The following SHPRH variants were observed in gnomAD, a reference collection of about 807,000 sequenced individuals.
SHPRH encodes SNF2 histone linker PHD RING helicase.
SHPRH carries 106 observed loss-of-function variants against 202.5 expected under a neutral mutation model. The observed-to-expected ratio is 0.52, with a 90% CI of 0.45 to 0.62. SHPRH has a LOEUF of 0.62. Ranked by LOEUF, SHPRH falls within the 20% of genes least tolerant of loss-of-function variation. The pLI is 0.00. For synonymous variants in SHPRH, 729 were observed against 686.0 expected, an observed-to-expected ratio of 1.06 and a Z score of -0.98; for missense variants, 1,710 against 2,020.0, an observed-to-expected ratio of 0.85 and a Z score of 2.94.
intron 3 of SHPRH, 26 bp from the exon 4 acceptor site, chr6:145,950,508 C>G: frequency 6.3e-7 from 1 of 1,597,590 alleles, no homozygotes; most frequent in South Asian, 1.1e-5. Flanking sequence ...CAAATGTACT[C>G]AAAAACTGAT....
At chr6:145,934,394 A>G (rs536576759) in intron 13 of SHPRH, among the ~76,000 whole-genome samples, 2 of 148,810 alleles carry the variant, frequency 1.3e-5, no homozygotes, top group South Asian at 4.3e-4. Context: ...GGAACCCAGG[A>G]GGCAGAGATT....
chr6:145,921,125 G>A, intron 21 of SHPRH, 42 bp downstream of exon 21: 1 of 1,537,054 alleles, frequency 6.5e-7, no homozygotes. Context: ...ATGTAAAAAA[G>A]AAGAATTTTT....
intron 14 of SHPRH, among the ~76,000 whole-genome samples, chr6:145,931,209 A>G (rs1391846303): frequency 6.6e-6 from 1 of 152,040 alleles, no homozygotes; most frequent in African/African-American, 2.4e-5. Context: ...CTTAATTGGG[A>G]TATTTAGACC....
At chr6:145,919,213 G>T in intron 22 of SHPRH, 135 bp downstream of exon 22, 1 of 1,266,224 alleles carries the variant, frequency 7.9e-7, no homozygotes, top group Middle Eastern at 2.3e-4. Context: ...AATTTTCTAT[G>T]GGTCAAATTA....
At position 145,888,046 on chromosome 6, in the gene SHPRH, C is replaced by T; in HGVS notation, c.4929G>A (p.Gln1643=). The change falls in exon 29 of 30, where the codon CAG becomes CAA. Residue 1643 remains glutamine, a synonymous_variant. Coordinates refer to ENST00000275233, the MANE Select transcript of SHPRH (RefSeq NM_001042683.3). The part of the protein sequence containing the change: ...LIKATIEERM[Q]AMLKTAERSH... Reference sequence around the variant, plus strand: ...TTCTCTCAGCAGTTTTCAGCATTGCCTGCATTCTTTCTTCTATTGTTGCTT... The same window carrying T: ...TTCTCTCAGCAGTTTTCAGCATTGCTTGCATTCTTTCTTCTATTGTTGCTT... 1 of 1,613,082 alleles carries T rather than the reference C, an allele frequency of 6.2e-7. No individual in the cohort carries two copies.
intron 2 of SHPRH, among the ~76,000 whole-genome samples, chr6:145,874,614 A>G (rs1780218072): frequency 6.6e-6 from 1 of 152,208 alleles, no homozygotes; most frequent in African/African-American, 2.4e-5. Flanking sequence ...CCTCATAGTT[A>G]TCCATTTAGC....
At position 145,886,592 on chromosome 6, in the gene SHPRH, G is replaced by C. The variant is rs1781029949; in HGVS notation, c.*99C>G. The C allele has an allele frequency of 6.5e-7, 1 of 1,539,502 alleles. No homozygotes were observed. The highest frequency in any genetic ancestry group is 8.8e-7 in the Non-Finnish European group (1 of 1,141,650). ...ACAAATTCATTCAACTAGGAACAGT[G>C]TTACTGTTATCTACTGGGTTTTTAA... is the stretch of plus-strand genomic sequence containing the variant. On this transcript the variant is annotated 3_prime_UTR_variant, in exon 30 of 30. Coordinates refer to ENST00000275233, the MANE Select transcript of SHPRH (RefSeq NM_001042683.3).
At chr6:145,932,978 A>T in intron 14 of SHPRH, 79 bp downstream of exon 14, 45 of 1,455,900 alleles carry the variant, frequency 3.1e-5, no homozygotes, top group Non-Finnish European at 4.1e-5. Flanking sequence ...CCCCCCAAAA[A>T]TCAAAATCTA....
At chr6:145,882,490 G>A (rs766931749), downstream of SHPRH, among the ~76,000 whole-genome samples, 14 of 152,034 alleles carry the variant, frequency 9.2e-5, no homozygotes, top group Non-Finnish European at 1.9e-4. Flanking sequence ...GTTTAATAGC[G>A]GATTCACTTA....
intron 25 of SHPRH, among the ~76,000 whole-genome samples, chr6:145,898,909 G>C (rs913569321): frequency 6.6e-6 from 1 of 151,972 alleles, no homozygotes; most frequent in Non-Finnish European, 1.5e-5. Flanking sequence ...ACTCCTGGGC[G>C]CAAGTGATCC....
At position 145,923,748 on chromosome 6, in the gene SHPRH, TGG is replaced by T; in HGVS notation, c.3438_3439del (p.His1147GlnfsTer8). 1 of 1,611,290 alleles carries T rather than the reference TGG, an allele frequency of 6.2e-7. No homozygotes were observed. The highest frequency in any genetic ancestry group is 1.1e-5 in the South Asian group (1 of 90,766). ...ATCAATAGTAAATTCTATTGCTCTG[TGG>T]ATCACATTTAGCCACCAAGGAGAAT... On this transcript the variant is annotated frameshift_variant, in exon 18 of 30. Transcript: ENST00000275233. LOFTEE classifies it high-confidence loss of function.
At chr6:145,890,612 T>C (rs193224136) in intron 28 of SHPRH, among the ~76,000 whole-genome samples, 234 of 152,296 alleles carry the variant, frequency 1.5e-3, no homozygotes, top group Middle Eastern at 3.4e-3. Context: ...GCCCTGGAGT[T>C]CAGTCCATGG....
chr6:145,946,090 T>C, intron 7 of SHPRH, 143 bp downstream of exon 7: 2 of 587,980 alleles, frequency 3.4e-6, no homozygotes, highest in Non-Finnish European at 5.4e-6. Flanking sequence ...ATATTATGAC[T>C]TGTAATTGAA....
chr6:145,945,042 C>T (rs1299504004), intron 8 of SHPRH, among the ~76,000 whole-genome samples: 3 of 151,964 alleles, frequency 2.0e-5, no homozygotes, highest in African/African-American at 4.8e-5. Context: ...GCAATAGATG[C>T]CCTGTGTCTT....
At chr6:145,924,676 A>C (rs1784710231) in intron 17 of SHPRH, 63 bp downstream of exon 17, 1 of 1,492,292 alleles carries the variant, frequency 6.7e-7, no homozygotes. Context: ...CCCACCAAAA[A>C]ACCAAAACTC....
Position 145,924,840 on chromosome 6 carries a change from G to T in SHPRH, c.3301C>A (p.Gln1101Lys), listed in dbSNP as rs1410199994. 3 of 1,610,908 alleles carry T rather than the reference G, an allele frequency of 1.9e-6. No homozygotes were observed. The highest frequency in any genetic ancestry group is 2.7e-5 in the African/African-American group (2 of 74,762). ...RDGRLEEEAK[Q>K]LREHYMSKCN... ...TTGCTCATGTAGTGCTCTCGCAGCTGTTTGGCCTGTGTTGAAACAGAGAAT... is the reference window on the plus strand; with the variant it reads ...TTGCTCATGTAGTGCTCTCGCAGCTTTTTGGCCTGTGTTGAAACAGAGAAT... Residue 1101 changes from glutamine (Q) to lysine (K), a missense_variant, in exon 17 of 30, where the codon CAG (glutamine) becomes AAG (lysine). By Grantham distance (53) the Gln-to-Lys change is moderately conservative (BLOSUM62 1). This residue lies in a region of SHPRH where 288 missense variants were observed against 317.8 expected (regional missense o/e 0.91). Transcript: ENST00000275233.
At chr6:145,912,634 A>G (rs986634896) in intron 24 of SHPRH, among the ~76,000 whole-genome samples, 1 of 152,096 alleles carries the variant, frequency 6.6e-6, no homozygotes, top group African/African-American at 2.4e-5. Context: ...TCCCTTTAAG[A>G]TGTATTAGCA....
chr6:145,923,796 G>T lies in SHPRH; in HGVS notation c.3403-11C>A, dbSNP rs1190220434. ...AGAATTAGAATGAATCTGTAAAAAAGGTAGCAGTTAATCAATTAATACATT... is the reference window on the plus strand; with the variant it reads ...AGAATTAGAATGAATCTGTAAAAAATGTAGCAGTTAATCAATTAATACATT... On this transcript the variant is annotated splice_polypyrimidine_tract_variant and intron_variant, in intron 17 of 29. Coordinates refer to ENST00000275233, the MANE Select transcript of SHPRH (RefSeq NM_001042683.3). 3.7e-6 allele frequency: 6 copies of T among 1,604,646 alleles called. No homozygotes were observed. The Admixed American group carries it at 1.0e-4, about 27-fold the overall frequency.
In SHPRH at chr6:145,934,955, C is replaced by T. The variant is rs980661605; in HGVS notation, c.2942G>A (p.Cys981Tyr). ...LYPLLRLRQA[C>Y]CHPQAVRGEF... is the part of the protein sequence containing the mutation. ...TCCACGAACAGCCTGTGGGTGACAG[C>T]AGGCCTGTCTGAGCCTCAGCAATGG... The change falls in exon 13 of 30, where the codon TGC becomes TAC. Residue 981 changes from cysteine (C) to tyrosine (Y), a missense_variant. Transcript: ENST00000275233. 1 of 1,613,216 alleles carries T rather than the reference C, an allele frequency of 6.2e-7. No individual in the cohort carries two copies. The highest frequency in any genetic ancestry group is 1.3e-5 in the African/African-American group (1 of 74,880).
Sources: allele counts gnomAD v4.1 joint callset (sites outside exome capture counted in the v4.1 genomes callset), GRCh38; gene constraint gnomAD v4.1.1; regional missense constraint gnomAD v4.1.1; transcripts MANE v1.5; gene names NCBI Gene and HGNC (gene_info 2026-07-23, HGNC 2026-07-21).